ZNF76: variants seen among roughly 807,000 people sequenced by gnomAD.
ZNF76 encodes zinc finger protein 76, also known as zinc finger protein 523.
Under a neutral mutation model 66.9 loss-of-function variants are expected in ZNF76, and 66 were observed. The ratio of observed to expected loss-of-function variants is 0.99; its 90% CI spans 0.81 to 1.21. The LOEUF (loss-of-function observed/expected upper bound fraction) is 1.21, where lower values mean the gene tolerates loss of function less well. ZNF76 is among the 50% of genes most tolerant of loss of function. ZNF76 has a pLI of 0.00. For synonymous variants in ZNF76, 275 were observed against 296.1 expected, an observed-to-expected ratio of 0.93 and a Z score of 0.73; for missense variants, 729 against 760.3, an observed-to-expected ratio of 0.96 and a Z score of 0.48.
chr6:35,286,024 G>A (rs758123767), intron 2 of ZNF76, 104 bp from the exon 3 acceptor site: 1 of 1,034,132 alleles, frequency 9.7e-7, no homozygotes, highest in Non-Finnish European at 1.5e-6. Context: ...TAGACCTGCA[G>A]GCTCGTGCCT....
Position 35,293,755 on chromosome 6 carries a change from G to T in ZNF76, c.1334G>T (p.Ser445Ile). The T allele has an allele frequency of 6.2e-7, 1 of 1,613,790 alleles. No individual in the cohort carries two copies. The highest frequency in any genetic ancestry group is 8.5e-7 in the Non-Finnish European group (1 of 1,179,860). Residue 445 changes from serine (S) to isoleucine (I), a missense_variant, in exon 12 of 14, where the codon AGC becomes ATC. Ser to Ile is a moderately radical substitution (Grantham distance 142, BLOSUM62 -2). Transcript: ENST00000373953. ...LITQDGAQQV[S>I]LSPEDLQALG... The stretch of plus-strand genomic sequence containing the variant: ...ATCTTCCCCTCCTGTTGGCAGGTCA[G>T]CCTGTCCCCGGAAGACCTGCAGGCC...
Position 35,291,245 on chromosome 6 carries a change from TCATCTCACCCCCTGCCTGCCA to T in ZNF76, c.626-29_626-9del. 1 of 1,581,094 alleles carries T rather than the reference TCATCTCACCCCCTGCCTGCCA, an allele frequency of 6.3e-7. No homozygotes were observed. The highest frequency in any genetic ancestry group is 8.6e-7 in the Non-Finnish European group (1 of 1,163,230). The stretch of plus-strand genomic sequence containing the variant: ...TGGAGGATGAGACCCCACTGGGTGC[TCATCTCACCCCCTGCCTGCCA>T]CATATGGACAGGCTATGGACTGAAG... On this transcript the variant is annotated splice_polypyrimidine_tract_variant and intron_variant, in intron 7 of 13. Coordinates refer to ENST00000373953, the MANE Select transcript of ZNF76 (RefSeq NM_003427.5).
In ZNF76 at chr6:35,287,063, TA is replaced by T. The variant is rs1247150669; in HGVS notation, c.233-582del. On this transcript the variant is annotated intron_variant, in intron 4 of 13. Transcript: ENST00000373953. This position sits in a 1 kb window ranked among gnomAD's most constrained non-coding sequence, Gnocchi z 4.0. Reference sequence around the variant, plus strand: ...GGTTCAGTACTTCAGGCAGAAGGAATAGCATGTGCAGGCCTAGAGCTGGGGG... The same window carrying T: ...GGTTCAGTACTTCAGGCAGAAGGAATGCATGTGCAGGCCTAGAGCTGGGGG... 6.6e-6 allele frequency among the ~76,000 whole-genome samples: 1 copy of T among 152,094 alleles called. No homozygotes were observed. Among genetic ancestry groups the T allele is most frequent in the Non-Finnish European group, 1.5e-5 (1 of 67,982 alleles).
chr6:35,267,819 C>T (rs754458449), intron 1 of ZNF76, among the ~76,000 whole-genome samples: 9 of 152,170 alleles, frequency 5.9e-5, no homozygotes, highest in Non-Finnish European at 1.3e-4. Flanking sequence ...AGATGGTAAT[C>T]CCGATGAGGG....
chr6:35,274,702 A>G (rs1320175362), intron 1 of ZNF76, among the ~76,000 whole-genome samples: 3 of 152,230 alleles, frequency 2.0e-5, no homozygotes, highest in Admixed American at 1.3e-4. Context: ...CTGGGCAACA[A>G]AATGAGATCC....
Position 35,292,101 on chromosome 6 carries a change from G to A in ZNF76, c.931+364G>A, listed in dbSNP as rs1582192321. On this transcript the variant is annotated intron_variant, in intron 9 of 13. Coordinates refer to ENST00000373953, the MANE Select transcript of ZNF76 (RefSeq NM_003427.5). This position sits in a 1 kb window ranked among gnomAD's most constrained non-coding sequence, Gnocchi z 4.7. ...TCACCTTCAACTCCTCACCTTATCC[G>A]CCGTCCATGACTCCTGTGTATCCTC... The A allele has an allele frequency of 2.4e-6, 1 of 418,640 alleles. No individual in the cohort carries two copies. Among genetic ancestry groups the A allele is most frequent in the South Asian group, 2.5e-5 (1 of 40,276 alleles). 25.9% of individuals were successfully genotyped at this position (418,640 alleles called of 1,614,324 possible).
intron 1 of ZNF76, among the ~76,000 whole-genome samples, chr6:35,261,469 A>G (rs910477926): frequency 1.3e-5 from 2 of 151,834 alleles, no homozygotes; most frequent in Non-Finnish European, 2.9e-5. Context: ...CAGCCCCAAG[A>G]GTTAATTATT....
intron 1 of ZNF76, among the ~76,000 whole-genome samples, chr6:35,260,515 A>G (rs1280429978): frequency 1.3e-5 from 2 of 152,168 alleles, no homozygotes; most frequent in Non-Finnish European, 2.9e-5. Flanking sequence ...CCAGCCCTTC[A>G]GTGTCAATCA....
At position 35,292,213 on chromosome 6, in the gene ZNF76, TC is replaced by T. The variant is rs1318437630; in HGVS notation, c.932-340del. On this transcript the variant is annotated intron_variant, in intron 9 of 13. Transcript: ENST00000373953. The surrounding 1 kb of genome is among the most constrained non-coding windows in gnomAD (Gnocchi z 4.7). Reference sequence around the variant, plus strand: ...CCTCTTTCCCATCACAACTGATACTTCAGTCATCCTTGCCTCTTGCCTCTGC... The same window carrying T: ...CCTCTTTCCCATCACAACTGATACTTAGTCATCCTTGCCTCTTGCCTCTGC... 15 of 439,088 alleles carry T rather than the reference TC, an allele frequency of 3.4e-5. No homozygotes were observed. The highest frequency in any genetic ancestry group is 6.4e-5 in the Non-Finnish European group (15 of 234,948). 27.2% of individuals were successfully genotyped at this position (439,088 alleles called of 1,614,324 possible). A position where few individuals can be genotyped will look rare whatever the true frequency, so the allele number is the denominator to read the frequency against.
intron 2 of ZNF76, among the ~76,000 whole-genome samples, chr6:35,285,262 G>A (rs79515116): frequency 0.024 from 3,596 of 152,212 alleles, 59 homozygotes; most frequent in Non-Finnish European, 0.036. Flanking sequence ...AAAAATGAGA[G>A]GTCAATGAAG....
rs1421328602 is a variant in ZNF76 at position 35,287,524 on chromosome 6, C to T, written c.233-122C>T. 2.3e-6 allele frequency: 2 copies of T among 869,338 alleles called. No homozygotes were observed. The highest frequency in any genetic ancestry group is 3.4e-5 in the African/African-American group (2 of 58,676). 53.9% of individuals were successfully genotyped at this position (869,338 alleles called of 1,614,324 possible). A position where few individuals can be genotyped will look rare whatever the true frequency, so the allele number is the denominator to read the frequency against. On this transcript the variant is annotated intron_variant, in intron 4 of 13. Coordinates refer to ENST00000373953, the MANE Select transcript of ZNF76 (RefSeq NM_003427.5). This position sits in a 1 kb window ranked among gnomAD's most constrained non-coding sequence, Gnocchi z 4.0. ...AAGAGTGAATCACAAAGTGAAGGGCCATGAGAAATTGGATGTTGAAACCCT... is the reference window on the plus strand; with the variant it reads ...AAGAGTGAATCACAAAGTGAAGGGCTATGAGAAATTGGATGTTGAAACCCT...
chr6:35,285,635 G>C (rs1180638810), intron 2 of ZNF76, among the ~76,000 whole-genome samples: 1 of 152,222 alleles, frequency 6.6e-6, no homozygotes, highest in Non-Finnish European at 1.5e-5. Context: ...CCTGGTTCCA[G>C]AGTCTATTGT....
At chr6:35,275,098 T>C (rs1345046803) in intron 1 of ZNF76, among the ~76,000 whole-genome samples, 1 of 151,336 alleles carries the variant, frequency 6.6e-6, no homozygotes, top group Non-Finnish European at 1.5e-5. Context: ...GAGGTTGCAG[T>C]GAGCCGAGAT....
intron 1 of ZNF76, among the ~76,000 whole-genome samples, chr6:35,260,308 AT>A (rs2150329193): frequency 6.7e-6 from 1 of 149,396 alleles, no homozygotes; most frequent in African/African-American, 2.5e-5. Flanking sequence ...AACCCCCCCG[AT>A]TCTACCTTGT....
intron 6 of ZNF76, 38 bp downstream of exon 6, chr6:35,290,420 T>C: frequency 6.2e-7 from 1 of 1,608,206 alleles, no homozygotes; most frequent in Non-Finnish European, 8.5e-7. Flanking sequence ...CTCTGCAGTC[T>C]TCCCTCCCAG....
intron 1 of ZNF76, among the ~76,000 whole-genome samples, chr6:35,271,242 T>C (rs965875195): frequency 1.3e-5 from 2 of 152,370 alleles, no homozygotes; most frequent in Middle Eastern, 3.4e-3. Flanking sequence ...TCAGATAATA[T>C]GTACATTTGT....
intron 1 of ZNF76, among the ~76,000 whole-genome samples, chr6:35,268,922 A>G (rs990295429): frequency 2.6e-5 from 4 of 152,162 alleles, no homozygotes; most frequent in Admixed American, 1.3e-4. Context: ...CCTGGCAGCT[A>G]TCAGTCAAGA....
intron 1 of ZNF76, among the ~76,000 whole-genome samples, chr6:35,280,527 C>CCT (rs1788620182): frequency 7.3e-6 from 1 of 137,530 alleles, no homozygotes; most frequent in African/African-American, 2.7e-5. Context: ...CCCCCCCCCC[C>CCT]CCGCCCTGAA....
At chr6:35,281,275 A>C (rs1206483599) in intron 2 of ZNF76, 51 bp downstream of exon 2, 2 of 1,566,870 alleles carry the variant, frequency 1.3e-6, no homozygotes, top group East Asian at 4.5e-5. Flanking sequence ...CAGCCTCTGG[A>C]AAGGAGTGTC....
Sources: gnomAD v4.1 joint callset for allele counts (sites outside exome capture counted in the v4.1 genomes callset) on GRCh38, gnomAD v4.1.1 for gene constraint, Gnocchi (gnomAD v3.1) non-coding constraint, MANE v1.5 for transcripts, NCBI Gene and HGNC (gene_info 2026-07-23, HGNC 2026-07-21) for gene names.